Variants in ITPR2 observed in about 807,000 individuals in gnomAD.
The protein encoded by ITPR2 is inositol 1,4,5-trisphosphate-gated calcium channel ITPR2.
In ITPR2, 207 loss-of-function variants were observed where a neutral mutation model predicts 317.1. The ratio of observed to expected loss-of-function variants is 0.65; its 90% CI spans 0.58 to 0.73. The LOEUF (loss-of-function observed/expected upper bound fraction) is 0.73, where lower values mean the gene tolerates loss of function less well. ITPR2 is among the 30% of genes least tolerant of loss of function. The pLI is 0.00. For synonymous variants in ITPR2, 1,156 were observed against 1,149.1 expected, an observed-to-expected ratio of 1.01 and a Z score of -0.12; for missense variants, 2,613 against 3,284.0, an observed-to-expected ratio of 0.80 and a Z score of 4.99.
chr12:26,813,353 G>A (rs1950789359), intron 1 of ITPR2, among the ~76,000 whole-genome samples: 1 of 152,072 alleles, frequency 6.6e-6, no homozygotes, highest in Admixed American at 6.5e-5. Context: ...CACATAAAGA[G>A]CCACAATTAT....
At chr12:26,796,666 C>T (rs185882094) in intron 1 of ITPR2, among the ~76,000 whole-genome samples, 19 of 152,142 alleles carry the variant, frequency 1.2e-4, no homozygotes, top group African/African-American at 4.3e-4. Flanking sequence ...AGAGTGTTCA[C>T]GGCAAAACTG....
At chr12:26,462,193 G>T (rs1379332738) in intron 45 of ITPR2, among the ~76,000 whole-genome samples, 3 of 54,148 alleles carry the variant, frequency 5.5e-5, no homozygotes, top group Admixed American at 1.9e-4. Context: ...TTGAGACAAA[G>T]TATTCCTCTG....
At chr12:26,587,814 G>T (rs114285451) in intron 32 of ITPR2, among the ~76,000 whole-genome samples, 1 of 148,756 alleles carries the variant, frequency 6.7e-6, no homozygotes, top group Non-Finnish European at 1.5e-5. Context: ...TGGAGAGAGG[G>T]ACAAGAGCAG....
chr12:26,759,314 GT>G (rs894125233), intron 2 of ITPR2, among the ~76,000 whole-genome samples: 4 of 151,930 alleles, frequency 2.6e-5, no homozygotes, highest in Non-Finnish European at 4.4e-5. Flanking sequence ...AAATGAGTAG[GT>G]TTTTTTTCCT....
At chr12:26,600,700 C>A (rs1297447375) in intron 28 of ITPR2, among the ~76,000 whole-genome samples, 1 of 143,036 alleles carries the variant, frequency 7.0e-6, no homozygotes, top group Non-Finnish European at 1.6e-5. Flanking sequence ...CTCCTCTCTT[C>A]TTTTCCTCTT....
chr12:26,483,482 T>G (rs1416147411), intron 42 of ITPR2, among the ~76,000 whole-genome samples: 1 of 152,248 alleles, frequency 6.6e-6, no homozygotes, highest in Non-Finnish European at 1.5e-5. Flanking sequence ...AAGTTGATTT[T>G]TATCTTGAAC....
At chr12:26,796,161 AAAG>A (rs1449514954) in intron 1 of ITPR2, among the ~76,000 whole-genome samples, 12 of 152,232 alleles carry the variant, frequency 7.9e-5, no homozygotes, top group Non-Finnish European at 1.5e-5. Flanking sequence ...TCATTCATAC[AAAG>A]AAGCCATAAA....
intron 2 of ITPR2, among the ~76,000 whole-genome samples, chr12:26,788,202 G>C (rs1466142817): frequency 6.6e-6 from 1 of 151,886 alleles, no homozygotes; most frequent in Admixed American, 6.6e-5. Context: ...GATTACAGGT[G>C]TGAGCCACCA....
intron 45 of ITPR2, among the ~76,000 whole-genome samples, chr12:26,451,078 G>T (rs1007846150): frequency 2.6e-5 from 4 of 152,040 alleles, no homozygotes; most frequent in African/African-American, 9.7e-5. Flanking sequence ...TATATAACTG[G>T]AATGGAAAAA....
intron 45 of ITPR2, among the ~76,000 whole-genome samples, chr12:26,449,828 G>T (rs10842734): frequency 0.57 from 87,010 of 151,900 alleles, 27,600 homozygotes; most frequent in Non-Finnish European, 0.71. Flanking sequence ...GAATACTGTG[G>T]TGGGCTGAAT....
At chr12:26,436,154 T>C in intron 48 of ITPR2, 67 bp downstream of exon 48, 1 of 1,374,482 alleles carries the variant, frequency 7.3e-7, no homozygotes, top group South Asian at 1.6e-5. Context: ...TATTCTTATT[T>C]TGAAGCTTTA....
At chr12:26,376,821 T>A (rs564044893) in intron 55 of ITPR2, among the ~76,000 whole-genome samples, 72 of 152,174 alleles carry the variant, frequency 4.7e-4, no homozygotes, top group African/African-American at 1.5e-3. Flanking sequence ...CTCCACTTCC[T>A]GTTCTCAGGC....
At chr12:26,455,209 T>A (rs1372911544) in intron 45 of ITPR2, among the ~76,000 whole-genome samples, 1 of 151,934 alleles carries the variant, frequency 6.6e-6, no homozygotes, top group South Asian at 2.1e-4. Context: ...TACGAGATAA[T>A]TTTCAGGAAC....
intron 34 of ITPR2, among the ~76,000 whole-genome samples, chr12:26,566,497 G>GAGAGGAGGA (rs1343593120): frequency 2.8e-5 from 4 of 140,666 alleles, no homozygotes; most frequent in East Asian, 2.1e-4. Context: ...GGAGAGGAGG[G>GAGAGGAGGA]AGAGGAGGAA....
chr12:26,560,840 T>C (rs1944798413), intron 35 of ITPR2, among the ~76,000 whole-genome samples: 1 of 152,214 alleles, frequency 6.6e-6, no homozygotes, highest in Non-Finnish European at 1.5e-5. Context: ...TCATAATATT[T>C]ATTTCAGTTA....
intron 45 of ITPR2, among the ~76,000 whole-genome samples, chr12:26,469,971 C>T (rs1215662648): frequency 2.0e-5 from 3 of 152,136 alleles, no homozygotes; most frequent in African/African-American, 7.2e-5. Context: ...AAATCCAGGG[C>T]CTGCAAGCCC....
chr12:26,469,306 A>G (rs1311656661), intron 45 of ITPR2, among the ~76,000 whole-genome samples: 1 of 152,194 alleles, frequency 6.6e-6, no homozygotes, highest in Non-Finnish European at 1.5e-5. Flanking sequence ...GTAGGTGATT[A>G]GTGTAATAGT....
intron 54 of ITPR2, among the ~76,000 whole-genome samples, chr12:26,395,161 A>G (rs912467136): frequency 1.3e-5 from 2 of 152,090 alleles, no homozygotes; most frequent in Non-Finnish European, 2.9e-5. Context: ...GTCAAAGAGG[A>G]GGACAGAGAG....
At position 26,688,217 on chromosome 12, in the gene ITPR2, T is replaced by C. The variant is rs557440922; in HGVS notation, c.997-1585A>G. On this transcript the variant is annotated intron_variant, in intron 10 of 56. Transcript: ENST00000381340. ...CACACCACATCAACAATTTTTATAA[T>C]TGTTGTACTAACTGGACCTCAGTAT... 3.9e-5 allele frequency among the ~76,000 whole-genome samples: 6 copies of C among 152,174 alleles called. No homozygotes were observed. In the East Asian group the frequency reaches 1.2e-3, roughly 29 times the overall value.
Sources: allele counts gnomAD v4.1 joint callset (sites outside exome capture counted in the v4.1 genomes callset), GRCh38; gene constraint gnomAD v4.1.1; transcripts MANE v1.5; gene names NCBI Gene and HGNC (gene_info 2026-07-23, HGNC 2026-07-21).